SUSD4: variants seen among roughly 807,000 people sequenced by gnomAD.
The protein encoded by SUSD4 is sushi domain containing 4, also known as sushi domain-containing protein 4.
SUSD4 carries 41 observed loss-of-function variants against 50.5 expected under a neutral mutation model. The ratio of observed to expected loss-of-function variants is 0.81; its 90% CI spans 0.63 to 1.05. The LOEUF is 1.05. Ranked by LOEUF, SUSD4 falls within the 50% of genes least tolerant of loss-of-function variation. SUSD4 has a pLI of 0.00. For missense variants in SUSD4, 580 were observed against 634.7 expected (o/e 0.91, Z 0.93); for synonymous variants, 257 against 257.3 (o/e 1.00, Z 0.01).
chr1:223,272,492 C>T (rs996644403), intron 3 of SUSD4, among the ~76,000 whole-genome samples: 1 of 152,174 alleles, frequency 6.6e-6, no homozygotes, highest in Non-Finnish European at 1.5e-5. Context: ...TAGCAGAGAG[C>T]AGCGCCTAAG....
chr1:223,340,393 A>T (rs549654651), intron 2 of SUSD4, among the ~76,000 whole-genome samples: 1 of 152,212 alleles, frequency 6.6e-6, no homozygotes, highest in Non-Finnish European at 1.5e-5. Flanking sequence ...ACCCAGTGAG[A>T]CCTCTGCTTG....
At position 223,238,647 on chromosome 1, in the gene SUSD4, T is replaced by C. The variant is rs73122203; in HGVS notation, c.725-9259A>G. ...TGTCTGCATTTTGAGATTTTCCTAT[T>C]ATCTTTCTGGTGTTGATTTCTGTTT... On this transcript the variant is annotated intron_variant, in intron 5 of 8. Transcript: ENST00000366878. Among the ~76,000 whole-genome samples the C allele has an allele frequency of 7.1e-3, 1,081 of 152,122 alleles. 11 individuals carry two copies. The highest frequency in any genetic ancestry group is 0.025 in the African/African-American group (1,019 of 41,570).
intron 2 of SUSD4, among the ~76,000 whole-genome samples, chr1:223,337,372 T>TGAATGAAC (rs1667517171): frequency 6.6e-6 from 1 of 152,222 alleles, no homozygotes; most frequent in Non-Finnish European, 1.5e-5. Flanking sequence ...AATGAATGAA[T>TGAATGAAC]GAATGAATGA....
intron 2 of SUSD4, among the ~76,000 whole-genome samples, chr1:223,358,329 C>T (rs950808472): frequency 2.6e-5 from 4 of 152,046 alleles, no homozygotes; most frequent in East Asian, 3.9e-4. Flanking sequence ...TTCCTGTAAT[C>T]GCAGAATCAA....
intron 2 of SUSD4, among the ~76,000 whole-genome samples, chr1:223,345,158 C>G (rs1667963028): frequency 6.6e-6 from 1 of 152,194 alleles, no homozygotes; most frequent in African/African-American, 2.4e-5. Context: ...CACAAACATA[C>G]AGTGAAAATG....
At chr1:223,269,645 T>A (rs952296051) in intron 3 of SUSD4, among the ~76,000 whole-genome samples, 1 of 152,210 alleles carries the variant, frequency 6.6e-6, no homozygotes, top group South Asian at 2.1e-4. Context: ...TATGCATACG[T>A]GTTTGTAAGC....
At chr1:223,345,781 C>T (rs915410495) in intron 2 of SUSD4, among the ~76,000 whole-genome samples, 1 of 152,174 alleles carries the variant, frequency 6.6e-6, no homozygotes, top group Non-Finnish European at 1.5e-5. Context: ...TTAATGACTC[C>T]ATGCTTCTTC....
At chr1:223,279,313 A>T (rs1029105234) in intron 3 of SUSD4, among the ~76,000 whole-genome samples, 4 of 152,226 alleles carry the variant, frequency 2.6e-5, no homozygotes, top group Admixed American at 1.3e-4. Context: ...CAAAGAAGCT[A>T]AAAACCTTGA....
rs1571817430 is a variant in SUSD4 at position 223,223,533 on chromosome 1, A to G, written c.1160T>C (p.Leu387Ser). The G allele has an allele frequency of 6.2e-7, 1 of 1,612,610 alleles. No homozygotes were observed. Among genetic ancestry groups the G allele is most frequent in the East Asian group, 2.2e-5 (1 of 44,804 alleles). ...CATGTACCCGGGGCCTAAGGCACTCAAGCCGCCACTCACAGCTTCGTCATA... is the reference window on the plus strand; with the variant it reads ...CATGTACCCGGGGCCTAAGGCACTCGAGCCGCCACTCACAGCTTCGTCATA... ...PSYDEAVSGGLSALGPGYMAS... is the reference protein window; with the variant it reads ...PSYDEAVSGGSSALGPGYMAS... Residue 387 changes from leucine (L) to serine (S), a missense_variant, in exon 8 of 9, where the codon TTG becomes TCG. Physicochemically the swap from Leu to Ser is moderately radical, Grantham distance 145. Transcript: ENST00000366878.
chr1:223,338,455 T>C (rs1194434088), intron 2 of SUSD4, among the ~76,000 whole-genome samples: 1 of 152,208 alleles, frequency 6.6e-6, no homozygotes, highest in Non-Finnish European at 1.5e-5. Context: ...GAGGGCTTTG[T>C]GTGCTATGCT....
chr1:223,340,736 TAGAC>T (rs1440241684), intron 2 of SUSD4, among the ~76,000 whole-genome samples: 1 of 152,186 alleles, frequency 6.6e-6, no homozygotes, highest in African/African-American at 2.4e-5. Flanking sequence ...GTGATCTAGT[TAGAC>T]AGGTAGTCAG....
intron 5 of SUSD4, among the ~76,000 whole-genome samples, chr1:223,236,383 A>T (rs1660220275): frequency 6.6e-6 from 1 of 152,138 alleles, no homozygotes. Context: ...TATTTCCTTC[A>T]TGCATCATGC....
chr1:223,250,852 C>G (rs764693253), intron 5 of SUSD4, among the ~76,000 whole-genome samples: 1 of 152,110 alleles, frequency 6.6e-6, no homozygotes, highest in Non-Finnish European at 1.5e-5. Context: ...GTGGGCAGGC[C>G]AAAGGATGCT....
intron 5 of SUSD4, among the ~76,000 whole-genome samples, chr1:223,254,804 AAAG>A (rs1267308020): frequency 5.9e-5 from 9 of 152,234 alleles, no homozygotes; most frequent in East Asian, 1.9e-4. Context: ...ACTTATTGTA[AAAG>A]AAGAAGAGAA....
chr1:223,305,260 A>T (rs774144599), intron 2 of SUSD4, among the ~76,000 whole-genome samples: 12 of 152,192 alleles, frequency 7.9e-5, no homozygotes, highest in Non-Finnish European at 1.3e-4. Context: ...GAAGCTCTCC[A>T]CTGGTCTCTT....
chr1:223,353,222 T>A (rs569609988), intron 2 of SUSD4, among the ~76,000 whole-genome samples: 2 of 152,210 alleles, frequency 1.3e-5, no homozygotes, highest in South Asian at 4.2e-4. Context: ...CCTGACATCA[T>A]GTCCACACAC....
intron 5 of SUSD4, among the ~76,000 whole-genome samples, chr1:223,253,741 G>A (rs867508445): frequency 6.6e-6 from 1 of 152,228 alleles, no homozygotes; most frequent in Non-Finnish European, 1.5e-5. Flanking sequence ...AGGAAAGAAA[G>A]AAATAAATCC....
At chr1:223,298,291 G>C (rs905903483) in intron 2 of SUSD4, among the ~76,000 whole-genome samples, 1 of 152,176 alleles carries the variant, frequency 6.6e-6, no homozygotes, top group Non-Finnish European at 1.5e-5. Context: ...AGTCCCAGGA[G>C]CTTATGAATT....
At chr1:223,252,450 C>A (rs539128215) in intron 5 of SUSD4, among the ~76,000 whole-genome samples, 1 of 151,716 alleles carries the variant, frequency 6.6e-6, no homozygotes, top group African/African-American at 2.4e-5. Flanking sequence ...TCCCCCACAG[C>A]TAACTCCAAG....
Sources: gnomAD v4.1 joint callset for allele counts (sites outside exome capture counted in the v4.1 genomes callset) on GRCh38, gnomAD v4.1.1 for gene constraint, MANE v1.5 for transcripts, NCBI Gene and HGNC (gene_info 2026-07-23, HGNC 2026-07-21) for gene names.